B3GALT1: variants seen among roughly 807,000 people sequenced by gnomAD.
B3GALT1 encodes beta-1,3-galactosyltransferase 1.
In B3GALT1, 10 loss-of-function variants were observed where a neutral mutation model predicts 23.2. The ratio of observed to expected loss-of-function variants is 0.43; its 90% confidence interval spans 0.27 to 0.73. The LOEUF (loss-of-function observed/expected upper bound fraction) is 0.73, where lower values mean the gene tolerates loss of function less well. Among genes scored for constraint, B3GALT1 ranks in the 30% least tolerant of loss-of-function variants. The pLI, the probability that B3GALT1 is intolerant of heterozygous loss-of-function variation, is 0.21. For missense variants in B3GALT1, 299 were observed against 405.4 expected, an observed-to-expected ratio of 0.74 and a Z score of 2.25; for synonymous variants, 156 against 141.5, an observed-to-expected ratio of 1.10 and a Z score of -0.73.
At chr2:167,737,057 T>C (rs932730827) in intron 3 of B3GALT1, among the ~76,000 whole-genome samples, 1 of 151,982 alleles carries the variant, frequency 6.6e-6, no homozygotes, top group Non-Finnish European at 1.5e-5. Flanking sequence ...GCAATGCAGA[T>C]TTTAAAATCT....
intron 3 of B3GALT1, among the ~76,000 whole-genome samples, chr2:167,711,150 T>C (rs1002223071): frequency 1.3e-5 from 2 of 152,084 alleles, no homozygotes; most frequent in African/African-American, 4.8e-5. Context: ...GTGTTGCATC[T>C]ACTTGGAATG....
At chr2:167,422,042 G>A (rs1380769210) in intron 1 of B3GALT1, among the ~76,000 whole-genome samples, 1 of 151,456 alleles carries the variant, frequency 6.6e-6, no homozygotes, top group Non-Finnish European at 1.5e-5. Context: ...ATTAGCTTAT[G>A]AGGGTAGAGG....
At chr2:167,553,533 C>T (rs987168388) in intron 2 of B3GALT1, among the ~76,000 whole-genome samples, 3 of 152,138 alleles carry the variant, frequency 2.0e-5, no homozygotes, top group Non-Finnish European at 4.4e-5. Flanking sequence ...TGCAGAATCC[C>T]ATGGCTGCAT....
At chr2:167,394,217 T>C (rs1185375991) in intron 1 of B3GALT1, among the ~76,000 whole-genome samples, 2 of 152,216 alleles carry the variant, frequency 1.3e-5, no homozygotes, top group African/African-American at 2.4e-5. Flanking sequence ...GATAAAAAAC[T>C]TAAAACCAAT....
At chr2:167,808,080 CT>C (rs1343452202) in intron 3 of B3GALT1, among the ~76,000 whole-genome samples, 2 of 151,852 alleles carry the variant, frequency 1.3e-5, no homozygotes, top group Middle Eastern at 3.2e-3. Context: ...CTCTTTTGAT[CT>C]TTGTTGGTTT....
chr2:167,680,511 A>C (rs62194961), intron 3 of B3GALT1, among the ~76,000 whole-genome samples: 1 of 152,056 alleles, frequency 6.6e-6, no homozygotes. Flanking sequence ...TCTAATGACC[A>C]AATTTTTTTT....
intron 4 of B3GALT1, among the ~76,000 whole-genome samples, chr2:167,847,299 C>T (rs1227329928): frequency 6.6e-6 from 1 of 152,136 alleles, no homozygotes; most frequent in Non-Finnish European, 1.5e-5. Context: ...TATTCAATGG[C>T]ACATGGAACT....
chr2:167,773,230 A>G (rs1239448826), intron 3 of B3GALT1, among the ~76,000 whole-genome samples: 1 of 152,200 alleles, frequency 6.6e-6, no homozygotes, highest in African/African-American at 2.4e-5. Flanking sequence ...TTTAGAAGCA[A>G]TCTTTGATAT....
At chr2:167,713,205 C>T (rs1687089771) in intron 3 of B3GALT1, among the ~76,000 whole-genome samples, 1 of 152,202 alleles carries the variant, frequency 6.6e-6, no homozygotes, top group Non-Finnish European at 1.5e-5. Flanking sequence ...AACTTATTAG[C>T]TTACTACAAG....
rs937557132 is a variant in B3GALT1, at chr2:167,328,061, G to A, written c.-511+34727G>A. 2.0e-5 allele frequency among the ~76,000 whole-genome samples: 3 copies of A among 152,086 alleles called. No individual in the cohort carries two copies. In the East Asian group the frequency reaches 5.8e-4, roughly 29 times the overall value. ...ATTTTGAGCCATTCTTGCCTCCCTG[G>A]TATAAATCCCACTTAATCATGGTGT... On this transcript the variant is annotated intron_variant, in intron 1 of 4. Coordinates refer to ENST00000392690, the MANE Select transcript of B3GALT1 (RefSeq NM_020981.4).
intron 4 of B3GALT1, among the ~76,000 whole-genome samples, chr2:167,852,054 A>T (rs74710895): frequency 0.011 from 1,721 of 152,338 alleles, 29 homozygotes; most frequent in African/African-American, 0.039. Context: ...ACTTCTTGGA[A>T]GGGCAATTTT....
intron 1 of B3GALT1, among the ~76,000 whole-genome samples, chr2:167,477,620 A>G (rs1461941347): frequency 6.6e-6 from 1 of 152,186 alleles, no homozygotes; most frequent in African/African-American, 2.4e-5. Context: ...TGGGCGCTAT[A>G]ATGTCACTAG....
intron 1 of B3GALT1, among the ~76,000 whole-genome samples, chr2:167,321,553 A>G (rs1323119551): frequency 6.6e-6 from 1 of 152,060 alleles, no homozygotes; most frequent in Admixed American, 6.5e-5. Flanking sequence ...ATATCCAAGC[A>G]CCACATCTAA....
intron 3 of B3GALT1, among the ~76,000 whole-genome samples, chr2:167,688,817 C>A (rs1341281827): frequency 2.0e-5 from 3 of 152,018 alleles, no homozygotes; most frequent in Non-Finnish European, 4.4e-5. Context: ...CTGAGCAAAA[C>A]CCCAAATAGG....
chr2:167,591,654 T>C (rs544720821), intron 2 of B3GALT1, among the ~76,000 whole-genome samples: 9 of 152,070 alleles, frequency 5.9e-5, no homozygotes, highest in Admixed American at 5.9e-4. Flanking sequence ...TTTTATTTTT[T>C]GTAGAGATGA....
At chr2:167,656,633 A>G (rs1303006452) in intron 3 of B3GALT1, among the ~76,000 whole-genome samples, 1 of 152,198 alleles carries the variant, frequency 6.6e-6, no homozygotes, top group Non-Finnish European at 1.5e-5. Context: ...AAATGACAGT[A>G]ATGACAAGGC....
At chr2:167,732,188 C>T (rs1372985186) in intron 3 of B3GALT1, among the ~76,000 whole-genome samples, 3 of 152,198 alleles carry the variant, frequency 2.0e-5, no homozygotes, top group Non-Finnish European at 4.4e-5. Context: ...TCTGTAAACT[C>T]AGTCCACACA....
intron 3 of B3GALT1, among the ~76,000 whole-genome samples, chr2:167,741,242 CA>C (rs1462815834): frequency 6.6e-6 from 1 of 152,170 alleles, no homozygotes; most frequent in African/African-American, 2.4e-5. Context: ...CCAAGACTCT[CA>C]TGAGTCAGTA....
intron 1 of B3GALT1, among the ~76,000 whole-genome samples, chr2:167,366,650 A>G (rs1697592316): frequency 6.6e-6 from 1 of 152,170 alleles, no homozygotes; most frequent in South Asian, 2.1e-4. Context: ...TTATTTTCTC[A>G]TATGTCTGCA....
Sources: allele counts gnomAD v4.1 joint callset (sites outside exome capture counted in the v4.1 genomes callset), GRCh38; gene constraint gnomAD v4.1.1; transcripts MANE v1.5; gene names NCBI Gene and HGNC (gene_info 2026-07-23, HGNC 2026-07-21).